Variants in LPIN1 observed in about 807,000 individuals in gnomAD.
The protein encoded by LPIN1 is phosphatidate phosphatase LPIN1.
In LPIN1, 71 loss-of-function variants were observed where a neutral mutation model predicts 107.5. The ratio of observed to expected loss-of-function variants is 0.66; its 90% CI spans 0.55 to 0.80. The LOEUF is 0.80. LPIN1 is among the 30% of genes least tolerant of loss of function. The pLI is 0.00. For synonymous variants in LPIN1, 445 were observed against 452.6 expected (o/e 0.98, Z 0.21); for missense variants, 1,043 against 1,160.6 (o/e 0.90, Z 1.47).
At chr2:11,729,644 G>A (rs1473437401) in intron 1 of LPIN1, among the ~76,000 whole-genome samples, 1 of 152,198 alleles carries the variant, frequency 6.6e-6, no homozygotes, top group Non-Finnish European at 1.5e-5. Context: ...AGGTGCAACA[G>A]AGACCATGTG....
intron 1 of LPIN1, among the ~76,000 whole-genome samples, chr2:11,759,120 C>T (rs1055193790): frequency 2.0e-5 from 3 of 147,036 alleles, no homozygotes; most frequent in African/African-American, 7.7e-5. Flanking sequence ...AGCTAGCTAG[C>T]TTGCTTTCTT....
intron 1 of LPIN1, among the ~76,000 whole-genome samples, chr2:11,737,894 C>T (rs978202977): frequency 1.3e-5 from 2 of 152,092 alleles, no homozygotes; most frequent in African/African-American, 4.8e-5. Context: ...GGGTATATAC[C>T]CAAAGGATTA....
In LPIN1 at chr2:11,808,155, G is replaced by A. The variant is rs567821121; in HGVS notation, c.2249+2999G>A. Among the ~76,000 whole-genome samples, 7 of 152,248 alleles carry A rather than the reference G, an allele frequency of 4.6e-5. No individual in the cohort carries two copies. The East Asian group carries it at 7.7e-4, about 17-fold the overall frequency. ...CCTAGTCAGCTCTGGTCTCTTCCCCGTCCCCGGACTTGCTGGACTCTATGT... is the reference window on the plus strand; with the variant it reads ...CCTAGTCAGCTCTGGTCTCTTCCCCATCCCCGGACTTGCTGGACTCTATGT... On this transcript the variant is annotated intron_variant, in intron 17 of 20. Transcript: ENST00000674199.
chr2:11,768,001 T>G, intron 3 of LPIN1, 143 bp downstream of exon 3: 1 of 705,016 alleles, frequency 1.4e-6, no homozygotes, highest in South Asian at 1.5e-5. Context: ...GGCGTTGATC[T>G]GTGTGGGGGA....
chr2:11,695,031 A>C (rs1197446726), intron 1 of LPIN1, among the ~76,000 whole-genome samples: 1 of 152,186 alleles, frequency 6.6e-6, no homozygotes, highest in Non-Finnish European at 1.5e-5. Flanking sequence ...CCAAGGCCCC[A>C]GGTGGTCATG....
At chr2:11,716,270 A>G (rs1253630772) in intron 2 of LPIN1, among the ~76,000 whole-genome samples, 1 of 152,082 alleles carries the variant, frequency 6.6e-6, no homozygotes, top group Non-Finnish European at 1.5e-5. Context: ...GGCATTGATC[A>G]TTGTTGTGTC....
chr2:11,721,263 C>CAT (rs1237831666), upstream of LPIN1, among the ~76,000 whole-genome samples: 2 of 129,808 alleles, frequency 1.5e-5, no homozygotes, highest in East Asian at 2.3e-4. Context: ...GTACTGCATG[C>CAT]GTGTGTGTGT....
rs920395386 is a variant in LPIN1 at position 11,826,469 on chromosome 2, G to A, written c.*1678G>A. On this transcript the variant is annotated 3_prime_UTR_variant, in exon 21 of 21. Coordinates refer to ENST00000674199, the MANE Select transcript of LPIN1 (RefSeq NM_001349206.2). Reference sequence around the variant, plus strand: ...CCTGAGGTTGCAGTGAGCCGAGCTTGCACTACTGCACTCCAGCCTGGGTGA... The same window carrying A: ...CCTGAGGTTGCAGTGAGCCGAGCTTACACTACTGCACTCCAGCCTGGGTGA... The A allele has an allele frequency of 1.5e-5, 2 of 132,534 alleles. No homozygotes were observed. The highest frequency in any genetic ancestry group is 5.9e-5 in the African/African-American group (2 of 34,094). The allele number at this position is 132,534 out of a possible 1,614,324, so 8.2% of individuals were successfully genotyped here. A position where few individuals can be genotyped will look rare whatever the true frequency, so the allele number is the denominator to read the frequency against.
intron 1 of LPIN1, among the ~76,000 whole-genome samples, chr2:11,690,579 G>A (rs62116207): frequency 0.28 from 42,159 of 151,930 alleles, 6,357 homozygotes; most frequent in Middle Eastern, 0.37. Context: ...TTTCTGGCAC[G>A]ATTAGACACA....
intron 1 of LPIN1, chr2:11,682,152 T>A (rs1661751557): frequency 6.6e-6 from 1 of 152,384 alleles, no homozygotes; most frequent in Non-Finnish European, 1.5e-5. Flanking sequence ...GGCCTCTCTC[T>A]CCTCTCAGCG....
At chr2:11,767,925 C>T in intron 3 of LPIN1, 67 bp downstream of exon 3, 1 of 1,024,044 alleles carries the variant, frequency 9.8e-7, no homozygotes, top group Non-Finnish European at 1.6e-6. Flanking sequence ...TATCTGGAAA[C>T]ACGGCAGAAG....
chr2:11,717,583 T>G (rs1380128800), intron 2 of LPIN1, among the ~76,000 whole-genome samples: 1 of 152,088 alleles, frequency 6.6e-6, no homozygotes, highest in African/African-American at 2.4e-5. Flanking sequence ...CCTGTAACCT[T>G]GTTACCATTG....
Position 11,788,378 on chromosome 2 carries a change from T to C in LPIN1, c.1644-9T>C, listed in dbSNP as rs1411005319. 1.2e-6 allele frequency: 2 copies of C among 1,607,612 alleles called. No individual in the cohort carries two copies. Among genetic ancestry groups the C allele is most frequent in the East Asian group, 2.2e-5 (1 of 44,864 alleles). ...GTTTTTTGACATATATTTCATTGTTTTGTGTTAGATATTATAACTGGACAA... is the reference window on the plus strand; with the variant it reads ...GTTTTTTGACATATATTTCATTGTTCTGTGTTAGATATTATAACTGGACAA... On this transcript the variant is annotated splice_polypyrimidine_tract_variant and intron_variant, in intron 11 of 20. Transcript: ENST00000674199.
chr2:11,813,569 T>G (rs2148719102), intron 17 of LPIN1, among the ~76,000 whole-genome samples: 1 of 152,106 alleles, frequency 6.6e-6, no homozygotes, highest in East Asian at 1.9e-4. Context: ...TGGTATATAT[T>G]TTATACTTAG....
At chr2:11,744,207 C>G (rs139629972), upstream of LPIN1, among the ~76,000 whole-genome samples, 10 of 152,326 alleles carry the variant, frequency 6.6e-5, no homozygotes, top group South Asian at 6.2e-4. Context: ...TCTCCTCTTC[C>G]GAGTGCAGCT....
rs1680375206 is a variant in LPIN1 at position 11,815,252 on chromosome 2, G to T, written c.2402+12G>T. ...TCTGCCCTGCACAGGTACCAGGCCT[G>T]CTCCCTGCACCTCCATCTGTGAGCC... On this transcript the variant is annotated intron_variant, in intron 18 of 20. Transcript: ENST00000674199. The T allele has an allele frequency of 1.2e-6, 2 of 1,613,522 alleles. No homozygotes were observed. The highest frequency in any genetic ancestry group is 2.7e-5 in the African/African-American group (2 of 74,924).
intron 14 of LPIN1, among the ~76,000 whole-genome samples, chr2:11,797,318 G>A (rs763187977): frequency 2.0e-5 from 3 of 152,202 alleles, no homozygotes; most frequent in South Asian, 2.1e-4. Context: ...GGTAGACCCC[G>A]TCTCACTGGG....
intron 1 of LPIN1, among the ~76,000 whole-genome samples, chr2:11,679,123 C>T (rs1407517091): frequency 2.6e-5 from 4 of 152,170 alleles, no homozygotes; most frequent in African/African-American, 4.8e-5. Context: ...CAGCCTGAGA[C>T]GCAGGTGTTA....
At chr2:11,710,389 A>G (rs975042974) in intron 1 of LPIN1, among the ~76,000 whole-genome samples, 1 of 152,170 alleles carries the variant, frequency 6.6e-6, no homozygotes, top group African/African-American at 2.4e-5. Flanking sequence ...GGTTAACACA[A>G]GCATGTGTTT....
Sources: allele counts gnomAD v4.1 joint callset (sites outside exome capture counted in the v4.1 genomes callset), GRCh38; gene constraint gnomAD v4.1.1; transcripts MANE v1.5; gene names NCBI Gene and HGNC (gene_info 2026-07-23, HGNC 2026-07-21).